CFAP298: variants seen among roughly 807,000 people sequenced by gnomAD.
CFAP298 encodes cilia and flagella associated protein 298, also known as cilia- and flagella-associated protein 298.
In CFAP298, 38 loss-of-function variants were observed where a neutral mutation model predicts 41.0. The observed-to-expected ratio is 0.93, with a 90% CI of 0.72 to 1.22. CFAP298 has a LOEUF of 1.22. Ranked by LOEUF, CFAP298 falls within the 50% of genes most tolerant of loss-of-function variation. The pLI, the probability that CFAP298 is intolerant of heterozygous loss-of-function variation, is 0.00. For missense variants in CFAP298, 348 were observed against 360.3 expected (o/e 0.97, Z 0.28); for synonymous variants, 137 against 135.3 (o/e 1.01, Z -0.09).
At chr21:32,610,210 T>A (rs539035143) in intron 1 of CFAP298, among the ~76,000 whole-genome samples, 1 of 151,902 alleles carries the variant, frequency 6.6e-6, no homozygotes, top group South Asian at 2.1e-4. Flanking sequence ...GTCTTTTTTT[T>A]CTTTGAGACA....
At chr21:32,602,728 C>A in intron 5 of CFAP298, 2 of 1,252,694 alleles carry the variant, frequency 1.6e-6, no homozygotes, top group Non-Finnish European at 1.0e-6. Context: ...GACGTAGGAG[C>A]ACCCACAAAA....
Position 32,603,420 on chromosome 21 carries a change from C to T in CFAP298, c.535-128G>A, listed in dbSNP as rs574882629. On this transcript the variant is annotated intron_variant, in intron 4 of 6. Coordinates refer to ENST00000290155, the MANE Select transcript of CFAP298 (RefSeq NM_021254.4). ...TGCTCACCATGGGAGGCCTGACTCC[C>T]GCACCTCACTCTAAGTCCTTGCTGA... is the stretch of plus-strand genomic sequence containing the variant. 2.2e-5 allele frequency: 20 copies of T among 900,664 alleles called. 1 individual carries two copies. The highest frequency in any genetic ancestry group is 1.7e-4 in the African/African-American group (10 of 59,864). 55.8% of individuals were successfully genotyped at this position (900,664 alleles called of 1,614,324 possible).
chr21:32,601,997 A>G (rs1433873891), intron 6 of CFAP298, 24 bp from the exon 7 acceptor site: 1 of 1,408,434 alleles, frequency 7.1e-7, no homozygotes, highest in South Asian at 1.1e-5. Context: ...TGTTTTATTC[A>G]GGCAGGCATT....
intron 3 of CFAP298, among the ~76,000 whole-genome samples, chr21:32,605,620 G>A (rs904591792): frequency 1.1e-4 from 16 of 152,182 alleles, no homozygotes; most frequent in African/African-American, 3.4e-4. Context: ...TGGTGAAGAC[G>A]TTGATGTGCC....
In CFAP298 at chr21:32,607,648, C is replaced by A. The variant is rs1325713702; in HGVS notation, c.375+1G>T. On this transcript the variant is annotated splice_donor_variant, in intron 3 of 6. Transcript: ENST00000290155. LOFTEE classifies it high-confidence loss of function. ...TTAGTGCATCATTTAAAAAAGCCAACCTTAGATATTATTGCTTTGGCTTCT... is the reference window on the plus strand; with the variant it reads ...TTAGTGCATCATTTAAAAAAGCCAAACTTAGATATTATTGCTTTGGCTTCT... 5.8e-6 allele frequency: 9 copies of A among 1,546,214 alleles called. No individual in the cohort carries two copies. Among genetic ancestry groups the A allele is most frequent in the Non-Finnish European group, 7.9e-6 (9 of 1,132,458 alleles).
intron 3 of CFAP298, 148 bp downstream of exon 3, chr21:32,607,501 G>C (rs1439613893): frequency 1.9e-6 from 1 of 535,284 alleles, no homozygotes; most frequent in East Asian, 3.3e-5. Flanking sequence ...GCTGAGGCAG[G>C]AGAATTGCTT....
intron 6 of CFAP298, 128 bp downstream of exon 6, chr21:32,602,144 G>T: frequency 1.0e-6 from 1 of 975,328 alleles, no homozygotes; most frequent in South Asian, 1.4e-5. Context: ...CAGACCTGCA[G>T]ACAGAAGCTC....
At position 32,601,704 on chromosome 21, in the gene CFAP298, T is replaced by C. The variant is rs2038742209; in HGVS notation, c.*159A>G. ...TAGGTATTTATTAAGTTCTAAAACC[T>C]TGAATAACTGCTATTTTAAAAATTC... is the stretch of plus-strand genomic sequence containing the variant. On this transcript the variant is annotated 3_prime_UTR_variant, in exon 7 of 7. Coordinates refer to ENST00000290155, the MANE Select transcript of CFAP298 (RefSeq NM_021254.4). 5.3e-6 allele frequency: 3 copies of C among 566,564 alleles called. No homozygotes were observed. The highest frequency in any genetic ancestry group is 2.5e-5 in the South Asian group (1 of 40,658). The allele number at this position is 566,564 out of a possible 1,614,324, so 35.1% of individuals were successfully genotyped here.
chr21:32,612,042 C>T (rs1219770880), intron 1 of CFAP298, 63 bp downstream of exon 1: 9 of 1,470,684 alleles, frequency 6.1e-6, no homozygotes, highest in Non-Finnish European at 5.4e-6. Context: ...CACCCTGCCC[C>T]TCTTTCTCCA....
At chr21:32,602,663 G>A in intron 5 of CFAP298, 1 of 1,262,516 alleles carries the variant, frequency 7.9e-7, no homozygotes, top group Non-Finnish European at 1.0e-6. Context: ...CAGAGCCACG[G>A]ACTCTGGATC....
chr21:32,603,374 C>G (rs2038797636), intron 4 of CFAP298, 82 bp from the exon 5 acceptor site: 3 of 1,490,788 alleles, frequency 2.0e-6, no homozygotes, highest in African/African-American at 2.8e-5. Context: ...CAGCAGGGGG[C>G]AGGGGACAGA....
Position 32,603,352 on chromosome 21 carries a change from C to G in CFAP298, c.535-60G>C, listed in dbSNP as rs1483107979. 1.9e-6 allele frequency: 3 copies of G among 1,591,506 alleles called. No homozygotes were observed. The African/African-American group carries it at 4.0e-5, about 21-fold the overall frequency. The stretch of plus-strand genomic sequence containing the variant: ...TTCCCACCCAGGGGGCAGAGCCCAG[C>G]TGAGCCCCTCCCAGCAGGGGGCAGG... On this transcript the variant is annotated intron_variant, in intron 4 of 6. Coordinates refer to ENST00000290155, the MANE Select transcript of CFAP298 (RefSeq NM_021254.4).
chr21:32,612,373 A>T lies in CFAP298; in HGVS notation c.-130T>A. 2 of 1,423,286 alleles carry T rather than the reference A, an allele frequency of 1.4e-6. No individual in the cohort carries two copies. The highest frequency in any genetic ancestry group is 9.2e-7 in the Non-Finnish European group (1 of 1,091,878). 88.2% of individuals were successfully genotyped at this position (1,423,286 alleles called of 1,614,324 possible). ...ACAGCCGCTCACAGTCCGGAATCCC[A>T]CGCTCCCTAGCCCGCGGTGAGCGGG... is the stretch of plus-strand genomic sequence containing the variant. On this transcript the variant is annotated 5_prime_UTR_variant, in exon 1 of 7. Coordinates refer to ENST00000290155, the MANE Select transcript of CFAP298 (RefSeq NM_021254.4).
rs2038741528 is a variant in CFAP298, at chr21:32,601,680, A to G, written c.*183T>C. 3.8e-6 allele frequency: 2 copies of G among 522,080 alleles called. No homozygotes were observed. Among genetic ancestry groups the G allele is most frequent in the Non-Finnish European group, 6.8e-6 (2 of 293,884 alleles). 32.3% of individuals were successfully genotyped at this position (522,080 alleles called of 1,614,324 possible). The stretch of plus-strand genomic sequence containing the variant: ...ACGATTTACACATTTTCTTCTGACT[A>G]GGTATTTATTAAGTTCTAAAACCTT... On this transcript the variant is annotated 3_prime_UTR_variant, in exon 7 of 7. Transcript: ENST00000290155.
chr21:32,610,101 C>T (rs2038957509), intron 1 of CFAP298, 96 bp from the exon 2 acceptor site: 1 of 1,152,140 alleles, frequency 8.7e-7, no homozygotes, highest in Non-Finnish European at 1.2e-6. Context: ...CCATCTGGCT[C>T]ACTATTTTAT....
intron 5 of CFAP298, 76 bp downstream of exon 5, chr21:32,603,085 G>A (rs760201589): frequency 2.3e-5 from 35 of 1,531,320 alleles, no homozygotes; most frequent in Middle Eastern, 1.7e-4. Flanking sequence ...TAAATCTTTC[G>A]GATTCACTGT....
chr21:32,607,807 G>T, intron 2 of CFAP298, 91 bp from the exon 3 acceptor site: 1 of 773,912 alleles, frequency 1.3e-6, no homozygotes, highest in Non-Finnish European at 2.2e-6. Flanking sequence ...GAGTCAGGGG[G>T]TAAATGAACT....
rs1251969150 is a variant in CFAP298, at chr21:32,600,319, G to A, written c.*1544C>T. On this transcript the variant is annotated 3_prime_UTR_variant, in exon 7 of 7. Transcript: ENST00000290155. The stretch of plus-strand genomic sequence containing the variant: ...GCAGTCAGCTACAAAGCACTTCAGA[G>A]AACAGCGCTTTGCTCTCAGGTCTGG... 6.6e-6 allele frequency among the ~76,000 whole-genome samples: 1 copy of A among 152,254 alleles called. No homozygotes were observed. The highest frequency in any genetic ancestry group is 1.5e-5 in the Non-Finnish European group (1 of 68,048).
At position 32,599,670 on chromosome 21, in the gene CFAP298, T is replaced by A. The variant is rs1456568193; in HGVS notation, c.*2193A>T. 1.3e-5 allele frequency among the ~76,000 whole-genome samples: 2 copies of A among 152,210 alleles called. No individual in the cohort carries two copies. Among genetic ancestry groups the A allele is most frequent in the African/African-American group, 4.8e-5 (2 of 41,448 alleles). On this transcript the variant is annotated 3_prime_UTR_variant, in exon 7 of 7. Transcript: ENST00000290155. Reference sequence around the variant, plus strand: ...TGTGGTCCTACCACCACTAGCTACCTGTGACCTTGGGTGAGTCAGCAAGTG... The same window carrying A: ...TGTGGTCCTACCACCACTAGCTACCAGTGACCTTGGGTGAGTCAGCAAGTG...
Sources: allele counts gnomAD v4.1 joint callset (sites outside exome capture counted in the v4.1 genomes callset), GRCh38; gene constraint gnomAD v4.1.1; transcripts MANE v1.5; gene names NCBI Gene and HGNC (gene_info 2026-07-23, HGNC 2026-07-21).